SETBP1: variants seen among roughly 807,000 people sequenced by gnomAD.
SETBP1 encodes the protein SET-binding protein.
Under a neutral mutation model 101.0 loss-of-function variants are expected in SETBP1, and 9 were observed. The observed-to-expected ratio is 0.09, with a 90% CI of 0.05 to 0.16. The LOEUF (loss-of-function observed/expected upper bound fraction) is 0.16, where lower values mean the gene tolerates loss of function less well. SETBP1 is among the 10% of genes least tolerant of loss of function. The probability of loss-of-function intolerance (pLI) is 1.00; values close to 1 mark genes in which losing one functional copy is unlikely to be tolerated. For synonymous variants in SETBP1, 818 were observed against 788.5 expected (o/e 1.04, Z -0.63); for missense variants, 1,858 against 2,033.8 (o/e 0.91, Z 1.66).
In SETBP1 at chr18:45,037,276, G is replaced by A. The variant is rs143320488; in HGVS notation, c.4001-1209G>A. On this transcript the variant is annotated intron_variant, in intron 4 of 5. Transcript: ENST00000649279. ...GACTTACATTTGGATGAGTTAGAGA[G>A]CCTTGTTTTTGCATTGGGGTTGGAG... Among the ~76,000 whole-genome samples the A allele has an allele frequency of 3.8e-3, 577 of 152,274 alleles. 6 individuals carry two copies. The highest frequency in any genetic ancestry group is 0.013 in the African/African-American group (543 of 41,556).
rs527376111 is a variant in SETBP1 at position 44,922,199 on chromosome 18, AAT to A, written c.541-27679_541-27678del. 5.3e-5 allele frequency among the ~76,000 whole-genome samples: 8 copies of A among 152,368 alleles called. No individual in the cohort carries two copies. The East Asian group carries it at 9.6e-4, about 18-fold the overall frequency. On this transcript the variant is annotated intron_variant, in intron 3 of 5. Coordinates refer to ENST00000649279, the MANE Select transcript of SETBP1 (RefSeq NM_015559.3). ...CGCATGCGCAGGAAGAGATGGAAAA[AAT>A]ATGAGTTAGCTCTCCCAGTATCTCA...
At chr18:44,807,340 G>A (rs2071768549) in intron 2 of SETBP1, among the ~76,000 whole-genome samples, 1 of 151,214 alleles carries the variant, frequency 6.6e-6, no homozygotes, top group Admixed American at 6.6e-5. Flanking sequence ...TAAAGTATTA[G>A]TAAGTACTCT....
intron 2 of SETBP1, among the ~76,000 whole-genome samples, chr18:44,718,927 G>A (rs186038018): frequency 2.6e-5 from 4 of 152,266 alleles, no homozygotes; most frequent in Non-Finnish European, 5.9e-5. Context: ...ATTTGACTGA[G>A]TAATAGGGAC....
intron 1 of SETBP1, among the ~76,000 whole-genome samples, chr18:44,695,487 C>T (rs185736702): frequency 2.9e-4 from 44 of 152,346 alleles, no homozygotes; most frequent in Admixed American, 1.8e-3. Flanking sequence ...GTTTTCCCTT[C>T]ATTAGTTTAA....
chr18:44,712,083 C>T (rs531042231), intron 2 of SETBP1, among the ~76,000 whole-genome samples: 1 of 152,316 alleles, frequency 6.6e-6, no homozygotes, highest in East Asian at 1.9e-4. Flanking sequence ...CAGTTCCCAC[C>T]TCAGTACCTG....
At chr18:45,019,579 T>A (rs942509827) in intron 4 of SETBP1, among the ~76,000 whole-genome samples, 1 of 152,232 alleles carries the variant, frequency 6.6e-6, no homozygotes, top group African/African-American at 2.4e-5. Flanking sequence ...TTGGGAAGCT[T>A]AATTCTCAGG....
intron 2 of SETBP1, among the ~76,000 whole-genome samples, chr18:44,706,503 G>A (rs569134636): frequency 8.5e-4 from 120 of 141,900 alleles, no homozygotes; most frequent in African/African-American, 2.8e-3. Flanking sequence ...CAGGAGAATC[G>A]CTTGAACCCA....
chr18:44,996,020 G>T (rs915850684), intron 4 of SETBP1, among the ~76,000 whole-genome samples: 2 of 152,128 alleles, frequency 1.3e-5, no homozygotes, highest in Non-Finnish European at 2.9e-5. Flanking sequence ...CCAACTTTGA[G>T]AAATCAAATT....
rs1272281074 is a variant in SETBP1 at position 44,701,389 on chromosome 18, G to A, written c.43G>A (p.Gly15Ser). ...ETLSSSRQRG[G>S]ESDFLPVSSA... is the part of the protein sequence containing the mutation. ...CTTAAGCAGCTCCCGGCAAAGAGGG[G>A]GCGAGTCAGACTTCCTGCCGGTCTC... The change falls in exon 2 of 6, where the codon GGC (glycine) becomes AGC (serine). Residue 15 changes from glycine to serine, a missense_variant. By Grantham distance (56) the Gly-to-Ser change is moderately conservative. Coordinates refer to ENST00000649279, the MANE Select transcript of SETBP1 (RefSeq NM_015559.3). 6.5e-7 allele frequency: 1 copy of A among 1,550,264 alleles called. No individual in the cohort carries two copies. The highest frequency in any genetic ancestry group is 2.0e-5 in the Admixed American group (1 of 51,054).
chr18:44,971,201 G>C (rs571973365), intron 4 of SETBP1, among the ~76,000 whole-genome samples: 1 of 152,098 alleles, frequency 6.6e-6, no homozygotes, highest in African/African-American at 2.4e-5. Flanking sequence ...CAAAGGACAC[G>C]AACTCATCAT....
rs1599456741 is a variant in SETBP1, at chr18:45,020,216, C to T, written c.4001-18269C>T. On this transcript the variant is annotated intron_variant, in intron 4 of 5. Coordinates refer to ENST00000649279, the MANE Select transcript of SETBP1 (RefSeq NM_015559.3). Reference sequence around the variant, plus strand: ...TGGAGGTTGCAGTGAGCCGAGATCACACCACTACACTCTAGCCTGGTGACA... The same window carrying T: ...TGGAGGTTGCAGTGAGCCGAGATCATACCACTACACTCTAGCCTGGTGACA... Among the ~76,000 whole-genome samples, 4 of 129,200 alleles carry T rather than the reference C, an allele frequency of 3.1e-5. No individual in the cohort carries two copies. In the East Asian group the frequency reaches 7.1e-4, roughly 23 times the overall value. The allele number at this position is 129,200 out of a possible 152,430, so 84.8% of individuals were successfully genotyped here.
chr18:44,892,695 C>G (rs1010057662), intron 3 of SETBP1, among the ~76,000 whole-genome samples: 1 of 152,022 alleles, frequency 6.6e-6, no homozygotes, highest in Non-Finnish European at 1.5e-5. Flanking sequence ...TTTATTGAAA[C>G]TTCTATCTAC....
intron 3 of SETBP1, among the ~76,000 whole-genome samples, chr18:44,901,366 CT>C (rs556121228): frequency 1.6e-4 from 25 of 152,322 alleles, no homozygotes; most frequent in Admixed American, 1.5e-3. Flanking sequence ...AGGAGATAGA[CT>C]TTTGAGCTTC....
chr18:44,975,340 G>T (rs1286559053), intron 4 of SETBP1, among the ~76,000 whole-genome samples: 1 of 152,084 alleles, frequency 6.6e-6, no homozygotes, highest in South Asian at 2.1e-4. Flanking sequence ...TGGAATTTAG[G>T]CTTCAATTCT....
chr18:44,731,767 G>T (rs939972811), intron 2 of SETBP1, among the ~76,000 whole-genome samples: 1 of 152,066 alleles, frequency 6.6e-6, no homozygotes, highest in Non-Finnish European at 1.5e-5. Flanking sequence ...CGACAAACAC[G>T]TGCTCTCTCA....
At chr18:45,024,293 A>C (rs887836675) in intron 4 of SETBP1, among the ~76,000 whole-genome samples, 1 of 152,226 alleles carries the variant, frequency 6.6e-6, no homozygotes, top group African/African-American at 2.4e-5. Context: ...AGAATCAAAA[A>C]AAAGATTTTT....
chr18:45,026,567 A>T (rs1450276173), intron 4 of SETBP1, among the ~76,000 whole-genome samples: 1 of 152,258 alleles, frequency 6.6e-6, no homozygotes, highest in Middle Eastern at 3.4e-3. Flanking sequence ...TTCGTAACCT[A>T]CCTGATTGCC....
chr18:44,842,285 C>T (rs755539162), intron 2 of SETBP1, among the ~76,000 whole-genome samples: 3 of 152,160 alleles, frequency 2.0e-5, no homozygotes, highest in Non-Finnish European at 2.9e-5. Context: ...GTGAAGGGCA[C>T]CAGCTCAGGG....
At chr18:44,999,146 G>A (rs1405537008) in intron 4 of SETBP1, among the ~76,000 whole-genome samples, 2 of 151,992 alleles carry the variant, frequency 1.3e-5, no homozygotes, top group Admixed American at 6.6e-5. Flanking sequence ...TTACCACTAT[G>A]AGACTCACGT....
Sources: allele counts gnomAD v4.1 joint callset (sites outside exome capture counted in the v4.1 genomes callset), GRCh38; gene constraint gnomAD v4.1.1; transcripts MANE v1.5; gene names NCBI Gene and HGNC (gene_info 2026-07-23, HGNC 2026-07-21).